FAAH2: variants seen among roughly 807,000 people sequenced by gnomAD.
FAAH2 encodes the protein fatty-acid amide hydrolase 2.
Under a neutral mutation model 36.9 loss-of-function variants are expected in FAAH2, and 60 were observed. The ratio of observed to expected loss-of-function variants is 1.63; its 90% CI spans 1.32 to 2.02. The LOEUF (loss-of-function observed/expected upper bound fraction) is 2.02, where lower values mean the gene tolerates loss of function less well. Among genes scored for constraint, FAAH2 ranks in the 30% most tolerant of loss-of-function variants. FAAH2 has a pLI of 0.00. For synonymous variants in FAAH2, 214 were observed against 143.8 expected, an observed-to-expected ratio of 1.49 and a Z score of -3.49; for missense variants, 689 against 397.5, an observed-to-expected ratio of 1.73 and a Z score of -6.23.
the FAAH2 span, among the ~76,000 whole-genome samples, chrX:57,267,242 T>C: frequency 8.9e-6 from 1 of 112,766 alleles, no homozygotes; most frequent in African/African-American, 3.2e-5. Flanking sequence ...AGGTTTTGCT[T>C]TCCTTGCCCC....
chrX:57,340,307 A>T (rs193194970), intron 4 of FAAH2, among the ~76,000 whole-genome samples: 2,060 of 111,487 alleles, frequency 0.018, 21 homozygotes, highest in Non-Finnish European at 0.031. Flanking sequence ...GTGACTGGGG[A>T]TGGGCCTGCC....
intron 10 of FAAH2, among the ~76,000 whole-genome samples, chrX:57,451,776 G>A (rs1008667720): frequency 9.0e-6 from 1 of 111,636 alleles, no homozygotes; most frequent in Non-Finnish European, 1.9e-5. Flanking sequence ...AACATTCACA[G>A]CCATGCTAAA....
intron 10 of FAAH2, among the ~76,000 whole-genome samples, chrX:57,484,372 G>A (rs978816201): frequency 1.8e-5 from 2 of 111,166 alleles, no homozygotes; most frequent in African/African-American, 6.6e-5. Flanking sequence ...GTGGCTGGGG[G>A]AACTCCTGGT....
At chrX:57,159,400 G>A in the FAAH2 span, among the ~76,000 whole-genome samples, 2 of 111,440 alleles carry the variant, frequency 1.8e-5, no homozygotes, top group African/African-American at 3.3e-5. Flanking sequence ...GCTTGATGGG[G>A]ATGGCATTGA....
intron 3 of FAAH2, among the ~76,000 whole-genome samples, chrX:57,316,294 C>A (rs995214061): frequency 1.8e-5 from 2 of 111,504 alleles, no homozygotes; most frequent in Non-Finnish European, 3.8e-5. Context: ...ATGAAATCGC[C>A]ATACATCCAA....
At chrX:57,265,096 C>T in the FAAH2 span, among the ~76,000 whole-genome samples, 1 of 111,302 alleles carries the variant, frequency 9.0e-6, no homozygotes. Flanking sequence ...TTCTATGGAG[C>T]TTTGCAAACT....
chrX:57,308,540 T>A (rs2052605688), intron 2 of FAAH2, among the ~76,000 whole-genome samples: 1 of 112,081 alleles, frequency 8.9e-6, no homozygotes, highest in Non-Finnish European at 1.9e-5. Flanking sequence ...TAGATCTCTG[T>A]TGGATGCATA....
At chrX:57,320,339 C>G (rs903338473) in intron 3 of FAAH2, among the ~76,000 whole-genome samples, 1 of 111,606 alleles carries the variant, frequency 9.0e-6, no homozygotes, top group African/African-American at 3.3e-5. Flanking sequence ...ACAAACATCC[C>G]CATCAAAAAG....
intron 2 of FAAH2, among the ~76,000 whole-genome samples, chrX:57,296,188 T>A (rs1163598409): frequency 3.6e-5 from 4 of 111,882 alleles, no homozygotes; most frequent in Middle Eastern, 4.2e-3. Flanking sequence ...GTACCCTAAC[T>A]GGGAGGCACC....
At chrX:57,231,034 A>AATGTGTGTGTGT in the FAAH2 span, among the ~76,000 whole-genome samples, 20 of 94,459 alleles carry the variant, frequency 2.1e-4, no homozygotes, top group African/African-American at 7.9e-4. Context: ...CTCCAAAGGA[A>AATGTGTGTGTGT]GTGTGTGTGT....
intron 1 of FAAH2, among the ~76,000 whole-genome samples, chrX:57,288,499 G>A (rs868291042): frequency 2.9e-4 from 31 of 107,934 alleles, no homozygotes; most frequent in Middle Eastern, 4.9e-3. Flanking sequence ...ACAGGCGCCC[G>A]CCACCATGCC....
intron 3 of FAAH2, among the ~76,000 whole-genome samples, chrX:57,329,149 T>G (rs1165743835): frequency 8.9e-6 from 1 of 112,291 alleles, no homozygotes; most frequent in Non-Finnish European, 1.9e-5. Flanking sequence ...GTGCTGACCT[T>G]TGTGAGATCA....
the FAAH2 span, among the ~76,000 whole-genome samples, chrX:57,268,720 C>G: frequency 9.0e-6 from 1 of 111,139 alleles, no homozygotes; most frequent in East Asian, 2.8e-4. Flanking sequence ...AAAAGAAATT[C>G]CAACTCAGAA....
chrX:57,267,341 G>A, the FAAH2 span, among the ~76,000 whole-genome samples: 2 of 112,948 alleles, frequency 1.8e-5, no homozygotes, highest in South Asian at 7.2e-4. Flanking sequence ...AGTAAGCCCT[G>A]CCTCTGCCAG....
At chrX:57,245,263 CA>C in the FAAH2 span, among the ~76,000 whole-genome samples, 2 of 111,586 alleles carry the variant, frequency 1.8e-5, no homozygotes, top group Non-Finnish European at 3.8e-5. Flanking sequence ...GAAACTTAGA[CA>C]CCCACACAAT....
chrX:57,240,266 C>T, the FAAH2 span, among the ~76,000 whole-genome samples: 1 of 111,043 alleles, frequency 9.0e-6, no homozygotes, highest in Admixed American at 9.6e-5. Flanking sequence ...TAGTTGATGG[C>T]CTTCATTTCT....
At chrX:57,411,775 G>A (rs1390739042) in intron 7 of FAAH2, among the ~76,000 whole-genome samples, 1 of 111,559 alleles carries the variant, frequency 9.0e-6, no homozygotes, top group Non-Finnish European at 1.9e-5. Flanking sequence ...TTACCTTAGG[G>A]TAGAGGTGAT....
intron 10 of FAAH2, among the ~76,000 whole-genome samples, chrX:57,481,102 A>G (rs2057370945): frequency 9.1e-6 from 1 of 109,964 alleles, no homozygotes; most frequent in Non-Finnish European, 1.9e-5. Context: ...TGTCATTTAT[A>G]TTCCTCTCTA....
the FAAH2 span, among the ~76,000 whole-genome samples, chrX:57,197,238 C>T: frequency 9.0e-6 from 1 of 111,127 alleles, no homozygotes; most frequent in Non-Finnish European, 1.9e-5. Flanking sequence ...TTTATTTATG[C>T]TATTTTTTTC....
Sources: gnomAD v4.1 joint callset for allele counts (sites outside exome capture counted in the v4.1 genomes callset) on GRCh38, gnomAD v4.1.1 for gene constraint, MANE v1.5 for transcripts, NCBI Gene and HGNC (gene_info 2026-07-23, HGNC 2026-07-21) for gene names.